The following OR2L13 variants were observed in gnomAD, a reference collection of about 807,000 sequenced individuals.
OR2L13 encodes olfactory receptor 2L13.
A neutral mutation model predicts 15.3 loss-of-function variants in OR2L13; 14 were observed. The ratio of observed to expected loss-of-function variants is 0.91; its 90% CI spans 0.60 to 1.43. The LOEUF is 1.43. Ranked by LOEUF, OR2L13 falls within the 40% of genes most tolerant of loss-of-function variation. The pLI, the probability that OR2L13 is intolerant of heterozygous loss-of-function variation, is 0.00. For missense variants in OR2L13, 367 were observed against 387.9 expected (o/e 0.95, Z 0.45); for synonymous variants, 152 against 142.9 (o/e 1.06, Z -0.45).
chr1:248,015,078 T>A, the OR2L13 span, among the ~76,000 whole-genome samples: 3 of 152,136 alleles, frequency 2.0e-5, no homozygotes, highest in South Asian at 2.1e-4. Context: ...CAATGGTAGG[T>A]TGTGACTTGG....
At chr1:247,995,427 C>G in the OR2L13 span, among the ~76,000 whole-genome samples, 3 of 152,204 alleles carry the variant, frequency 2.0e-5, no homozygotes. Flanking sequence ...GCTCTGCATT[C>G]AACCTATTCA....
chr1:247,984,989 C>T, the OR2L13 span, among the ~76,000 whole-genome samples: 1 of 152,032 alleles, frequency 6.6e-6, no homozygotes, highest in Non-Finnish European at 1.5e-5. Context: ...ACAATATTTG[C>T]CTCTTCATGG....
chr1:247,999,740 G>T, the OR2L13 span, among the ~76,000 whole-genome samples: 1 of 152,106 alleles, frequency 6.6e-6, no homozygotes, highest in African/African-American at 2.4e-5. Context: ...GACAAGTGCT[G>T]TCAATGTGAA....
the OR2L13 span, among the ~76,000 whole-genome samples, chr1:247,996,477 C>T: frequency 5.9e-5 from 9 of 152,274 alleles, no homozygotes; most frequent in African/African-American, 2.2e-4. Flanking sequence ...CTAAACTCTT[C>T]TTTCAGAATA....
At chr1:247,967,449 G>A in the OR2L13 span, among the ~76,000 whole-genome samples, 2 of 152,012 alleles carry the variant, frequency 1.3e-5, no homozygotes, top group Admixed American at 6.6e-5. Flanking sequence ...GGCTGGTTTC[G>A]AACTCCTGAT....
At chr1:247,987,774 C>T in the OR2L13 span, among the ~76,000 whole-genome samples, 1 of 151,948 alleles carries the variant, frequency 6.6e-6, no homozygotes, top group Admixed American at 6.6e-5. Context: ...ACCTGCTCCC[C>T]CCAGCATCAC....
At chr1:247,998,750 C>T in the OR2L13 span, among the ~76,000 whole-genome samples, 13,091 of 151,912 alleles carry the variant, frequency 0.086, 724 homozygotes, top group East Asian at 0.16. Context: ...TATGGTTATC[C>T]GGATTTTGTT....
chr1:248,056,214 T>A, the OR2L13 span, among the ~76,000 whole-genome samples: 1 of 152,052 alleles, frequency 6.6e-6, no homozygotes, highest in South Asian at 2.1e-4. Context: ...GGTACATGTG[T>A]ACAACGTGCA....
the OR2L13 span, among the ~76,000 whole-genome samples, chr1:247,959,384 T>C: frequency 6.6e-6 from 1 of 152,234 alleles, no homozygotes; most frequent in African/African-American, 2.4e-5. Context: ...CATTTTTTCC[T>C]TCATTTATAC....
At chr1:248,004,829 T>C in the OR2L13 span, among the ~76,000 whole-genome samples, 5 of 152,232 alleles carry the variant, frequency 3.3e-5, no homozygotes, top group African/African-American at 1.2e-4. Context: ...TATCCAGTTT[T>C]CCCTGCACAG....
the OR2L13 span, among the ~76,000 whole-genome samples, chr1:247,978,703 T>C: frequency 1.3e-5 from 2 of 152,144 alleles, no homozygotes; most frequent in Non-Finnish European, 2.9e-5. Context: ...AAGTGTGAAA[T>C]GTTCAATTCC....
the OR2L13 span, among the ~76,000 whole-genome samples, chr1:248,031,474 C>T: frequency 1.3e-5 from 2 of 152,176 alleles, no homozygotes; most frequent in South Asian, 2.1e-4. Flanking sequence ...GGCAGTGCTT[C>T]CCCTTCTGGG....
At chr1:247,991,923 C>G in the OR2L13 span, among the ~76,000 whole-genome samples, 1 of 149,390 alleles carries the variant, frequency 6.7e-6, no homozygotes, top group Non-Finnish European at 1.5e-5. Context: ...GGAGAGGAGG[C>G]AAGAAGGAAG....
chr1:247,983,969 T>C, the OR2L13 span, among the ~76,000 whole-genome samples: 2 of 152,068 alleles, frequency 1.3e-5, no homozygotes, highest in Non-Finnish European at 2.9e-5. Context: ...GTCCAGTGAT[T>C]TTCTTCTGAT....
chr1:248,002,039 A>G, the OR2L13 span, among the ~76,000 whole-genome samples: 9 of 152,182 alleles, frequency 5.9e-5, no homozygotes, highest in Non-Finnish European at 1.0e-4. Context: ...GGATCTGTAT[A>G]TAGTATTGGA....
At chr1:248,037,200 G>A in the OR2L13 span, among the ~76,000 whole-genome samples, 1 of 152,088 alleles carries the variant, frequency 6.6e-6, no homozygotes, top group African/African-American at 2.4e-5. Context: ...TTAAGTAGAA[G>A]AACCAAATAA....
At chr1:248,007,258 C>A in the OR2L13 span, among the ~76,000 whole-genome samples, 1 of 152,138 alleles carries the variant, frequency 6.6e-6, no homozygotes, top group East Asian at 1.9e-4. Flanking sequence ...CCTGTATAGG[C>A]AATGGTGATC....
the OR2L13 span, among the ~76,000 whole-genome samples, chr1:247,969,160 C>T: frequency 0.076 from 11,494 of 151,990 alleles, 945 homozygotes; most frequent in African/African-American, 0.21. Context: ...GAAGTGTCTG[C>T]TCATATCCTT....
chr1:248,083,476 G>A, the OR2L13 span: 1 of 634,260 alleles, frequency 1.6e-6, no homozygotes, highest in South Asian at 2.1e-5. Flanking sequence ...GCTCAAAAAT[G>A]GTATCTCTCA....
Sources: allele counts gnomAD v4.1 joint callset (sites outside exome capture counted in the v4.1 genomes callset), GRCh38; gene constraint gnomAD v4.1.1; transcripts MANE v1.5; gene names NCBI Gene and HGNC (gene_info 2026-07-23, HGNC 2026-07-21).